PRKAR1A: variants seen among roughly 807,000 people sequenced by gnomAD.
PRKAR1A encodes cAMP-dependent protein kinase type I-alpha regulatory subunit.
Under a neutral mutation model 52.0 loss-of-function variants are expected in PRKAR1A, and 3 were observed. That is an observed-to-expected ratio of 0.06 (90% CI 0.03 to 0.15). PRKAR1A has a LOEUF of 0.15. Ranked by LOEUF, PRKAR1A falls within the 10% of genes least tolerant of loss-of-function variation. PRKAR1A has a pLI of 1.00. For missense variants in PRKAR1A, 240 were observed against 477.4 expected (o/e 0.50, Z 4.63); for synonymous variants, 188 against 168.4 (o/e 1.12, Z -0.90).
chr17:68,511,782 G>C (rs2085269593), upstream of PRKAR1A: 1 of 152,034 alleles, frequency 6.6e-6, no homozygotes, highest in Non-Finnish European at 1.5e-5. Context: ...GGCCCGGAGA[G>C]CGCATCCCGG....
chr17:68,531,516 C>G lies in PRKAR1A; in HGVS notation c.*1067C>G. On this transcript the variant is annotated 3_prime_UTR_variant, in exon 11 of 11. Coordinates refer to ENST00000589228, the MANE Select transcript of PRKAR1A (RefSeq NM_002734.5). ...TCGGGAATTTTCCCCGTGACATTCA[C>G]TGGGGCATGAGATTTTGGAAGAAGT... The G allele has an allele frequency of 9.4e-7, 1 of 1,066,336 alleles. No individual in the cohort carries two copies. Among genetic ancestry groups the G allele is most frequent in the Non-Finnish European group, 1.1e-6 (1 of 879,610 alleles). 66.1% of individuals were successfully genotyped at this position (1,066,336 alleles called of 1,614,324 possible).
chr17:68,435,697 TA>T, the PRKAR1A span: 1 of 1,614,198 alleles, frequency 6.2e-7, no homozygotes, highest in Non-Finnish European at 8.5e-7. Flanking sequence ...TGGGCAGCAA[TA>T]GTGCAGACTG....
the PRKAR1A span, among the ~76,000 whole-genome samples, chr17:68,474,971 T>C: frequency 2.0e-5 from 3 of 152,238 alleles, no homozygotes; most frequent in Non-Finnish European, 4.4e-5. Context: ...ATGTAATGTC[T>C]TTTTAAGTTC....
chr17:68,533,146 G>A lies in PRKAR1A; in HGVS notation c.*2697G>A, dbSNP rs2086022203. On this transcript the variant is annotated 3_prime_UTR_variant, in exon 11 of 11. Transcript: ENST00000589228. Reference sequence around the variant, plus strand: ...TTTAAATTTAATATATACATTTAATGTTACTTAGGGATACTTTTATATTTT... The same window carrying A: ...TTTAAATTTAATATATACATTTAATATTACTTAGGGATACTTTTATATTTT... 9.4e-7 allele frequency: 1 copy of A among 1,058,686 alleles called. No individual in the cohort carries two copies. The highest frequency in any genetic ancestry group is 1.6e-5 in the African/African-American group (1 of 60,834). 65.6% of individuals were successfully genotyped at this position (1,058,686 alleles called of 1,614,324 possible). A position where few individuals can be genotyped will look rare whatever the true frequency, so the allele number is the denominator to read the frequency against.
the PRKAR1A span, chr17:68,444,538 T>C: frequency 6.2e-7 from 1 of 1,614,190 alleles, no homozygotes; most frequent in Non-Finnish European, 8.5e-7. Flanking sequence ...AACAGCTTCA[T>C]GTCTTTAATG....
Position 68,530,187 on chromosome 17 carries a change from A to T in PRKAR1A, c.974-90A>T, listed in dbSNP as rs2085932714. The T allele has an allele frequency of 2.6e-6, 4 of 1,539,680 alleles. No individual in the cohort carries two copies. The Admixed American group carries it at 6.7e-5, about 26-fold the overall frequency. On this transcript the variant is annotated intron_variant, in intron 10 of 10. Coordinates refer to ENST00000589228, the MANE Select transcript of PRKAR1A (RefSeq NM_002734.5). The stretch of plus-strand genomic sequence containing the variant: ...ATTTAATGAAATTACTGATTGTCTC[A>T]TATCTATTGTCTTCTTTCTCAGAAG...
the PRKAR1A span, chr17:68,414,122 G>C: frequency 6.5e-6 from 1 of 154,586 alleles, no homozygotes; most frequent in Non-Finnish European, 1.4e-5. Flanking sequence ...GTTCCTATTC[G>C]GCTATCTTGG....
intron 1 of PRKAR1A, chr17:68,513,169 AC>A (rs2085322988): frequency 6.6e-6 from 1 of 152,088 alleles, no homozygotes; most frequent in Non-Finnish European, 1.5e-5. Context: ...TGGCCTTCCG[AC>A]TGGCGTAGCT....
At chr17:68,464,717 CA>C in the PRKAR1A span, among the ~76,000 whole-genome samples, 40,724 of 148,842 alleles carry the variant, frequency 0.27, 5,712 homozygotes, top group Middle Eastern at 0.31. Flanking sequence ...ACAAAAAAAA[CA>C]CCTAACATTG....
intron 11 of PRKAR1A, chr17:68,542,089 C>T: frequency 6.2e-7 from 1 of 1,613,974 alleles, no homozygotes; most frequent in Non-Finnish European, 8.5e-7. Flanking sequence ...AACCCTCCAG[C>T]AGGTGTGGGT....
chr17:68,541,141 G>T, intron 11 of PRKAR1A: 1 of 801,954 alleles, frequency 1.2e-6, no homozygotes, highest in South Asian at 1.8e-5. Context: ...TCCGTGTGGT[G>T]AGAAGGTCCT....
At chr17:68,436,307 G>T in the PRKAR1A span, 2 of 1,384,316 alleles carry the variant, frequency 1.4e-6, no homozygotes, top group South Asian at 1.2e-5. Context: ...ACGGCAGGGC[G>T]TCCTTATCTA....
intron 5 of PRKAR1A, 74 bp from the exon 6 acceptor site, chr17:68,524,838 A>T: frequency 8.2e-7 from 1 of 1,212,296 alleles, no homozygotes; most frequent in Non-Finnish European, 1.2e-6. Flanking sequence ...AAATAAGTTT[A>T]TTGTTTTGTA....
the PRKAR1A span, among the ~76,000 whole-genome samples, chr17:68,487,115 G>T: frequency 6.6e-6 from 1 of 151,990 alleles, no homozygotes; most frequent in Non-Finnish European, 1.5e-5. Flanking sequence ...CTCGTGATCC[G>T]CCCGCCTCGG....
At chr17:68,521,417 G>A (rs532432779) in intron 2 of PRKAR1A, among the ~76,000 whole-genome samples, 1 of 152,336 alleles carries the variant, frequency 6.6e-6, no homozygotes, top group South Asian at 2.1e-4. Context: ...TTTTTGTAGA[G>A]ATGAGGTTTT....
At chr17:68,500,683 T>G in the PRKAR1A span, among the ~76,000 whole-genome samples, 1 of 152,030 alleles carries the variant, frequency 6.6e-6, no homozygotes, top group Non-Finnish European at 1.5e-5. Context: ...CCGGCTAATT[T>G]TTTTTCTATT....
chr17:68,465,179 G>T, the PRKAR1A span, among the ~76,000 whole-genome samples: 42 of 151,882 alleles, frequency 2.8e-4, no homozygotes, highest in Non-Finnish European at 4.7e-4. Flanking sequence ...TGATCTGCCC[G>T]CCTCGGCCTT....
At chr17:68,433,760 G>GTTTTTTTTTTTTTT in the PRKAR1A span, among the ~76,000 whole-genome samples, 4 of 72,822 alleles carry the variant, frequency 5.5e-5, 1 homozygote, top group African/African-American at 2.0e-4. Flanking sequence ...AAGGGTCATA[G>GTTTTTTTTTTTTTT]TTTTTTTTTT....
At chr17:68,426,908 C>T in the PRKAR1A span, among the ~76,000 whole-genome samples, 1 of 152,278 alleles carries the variant, frequency 6.6e-6, no homozygotes, top group South Asian at 2.1e-4. Flanking sequence ...TGATGCCTTG[C>T]CAGGTTGAGG....
Sources: allele counts gnomAD v4.1 joint callset (sites outside exome capture counted in the v4.1 genomes callset), GRCh38; gene constraint gnomAD v4.1.1; transcripts MANE v1.5; gene names NCBI Gene and HGNC (gene_info 2026-07-23, HGNC 2026-07-21).